Variants in NAT1 observed in about 807,000 individuals in gnomAD.
The protein encoded by NAT1 is N-acetyltransferase 1.
For synonymous variants in NAT1, 144 were observed against 122.6 expected (o/e 1.17, Z -1.16); for missense variants, 400 against 339.2 (o/e 1.18, Z -1.41).
chr8:18,205,977 G>A (rs908689350), upstream of NAT1, among the ~76,000 whole-genome samples: 4 of 152,176 alleles, frequency 2.6e-5, no homozygotes, highest in African/African-American at 9.7e-5. Context: ...GGCTCCTATG[G>A]GAGCAAGTGG....
intron 1 of NAT1, among the ~76,000 whole-genome samples, chr8:18,211,518 C>T (rs1192309756): frequency 7.9e-5 from 12 of 152,190 alleles, no homozygotes; most frequent in Non-Finnish European, 1.8e-4. Flanking sequence ...TTGTCTGGCC[C>T]TTGCTGTCTT....
chr8:18,216,782 C>A, intron 1 of NAT1: 1 of 675,532 alleles, frequency 1.5e-6, no homozygotes, highest in Non-Finnish European at 2.4e-6. Flanking sequence ...CAGACAGATA[C>A]TGGGTATGAT....
upstream of NAT1, among the ~76,000 whole-genome samples, chr8:18,205,225 G>C (rs1298994486): frequency 6.6e-6 from 1 of 152,210 alleles, no homozygotes; most frequent in Non-Finnish European, 1.5e-5. Flanking sequence ...CAGAGTGCTA[G>C]CAGGTGCCAG....
At chr8:18,183,668 A>T (rs937109664) in intron 2 of NAT1, among the ~76,000 whole-genome samples, 6 of 152,198 alleles carry the variant, frequency 3.9e-5, no homozygotes, top group Non-Finnish European at 8.8e-5. Context: ...TCCTGAGACG[A>T]ATCCCCTCCC....
chr8:18,183,534 T>C (rs968935727), intron 2 of NAT1, among the ~76,000 whole-genome samples: 10 of 152,126 alleles, frequency 6.6e-5, no homozygotes, highest in Non-Finnish European at 1.5e-4. Context: ...CCATGTAGTG[T>C]CTTAAAGGCC....
At chr8:18,215,830 T>G (rs1015305435) in intron 1 of NAT1, among the ~76,000 whole-genome samples, 2 of 152,152 alleles carry the variant, frequency 1.3e-5, no homozygotes. Flanking sequence ...CTGGGGTTGG[T>G]GTAGACTTGT....
chr8:18,189,780 G>A (rs937158228), intron 2 of NAT1, among the ~76,000 whole-genome samples: 5 of 152,084 alleles, frequency 3.3e-5, no homozygotes, highest in African/African-American at 9.7e-5. Context: ...TCACTGTTAT[G>A]TAGTATTGAC....
intron 1 of NAT1, among the ~76,000 whole-genome samples, chr8:18,217,934 G>A (rs1563191861): frequency 6.6e-6 from 1 of 152,168 alleles, no homozygotes; most frequent in Non-Finnish European, 1.5e-5. Flanking sequence ...TATTGTTTAA[G>A]GCTAGGCAGG....
chr8:18,201,713 G>A (rs189042140), intron 2 of NAT1, among the ~76,000 whole-genome samples: 3 of 152,272 alleles, frequency 2.0e-5, no homozygotes, highest in Admixed American at 6.5e-5. Flanking sequence ...GGAGTACACT[G>A]TGGAAGCATC....
At chr8:18,218,221 C>G (rs901599585) in intron 1 of NAT1, among the ~76,000 whole-genome samples, 3 of 152,102 alleles carry the variant, frequency 2.0e-5, no homozygotes, top group Admixed American at 1.3e-4. Flanking sequence ...AATTGTGGTA[C>G]GTTGTCAGGA....
chr8:18,197,437 C>T (rs979123528), intron 2 of NAT1, among the ~76,000 whole-genome samples: 1 of 152,166 alleles, frequency 6.6e-6, no homozygotes, highest in Non-Finnish European at 1.5e-5. Flanking sequence ...TAGCAGACAT[C>T]GGCAGTGTCT....
intron 2 of NAT1, among the ~76,000 whole-genome samples, chr8:18,199,731 T>C (rs61744106): frequency 0.011 from 1,645 of 152,296 alleles, 34 homozygotes; most frequent in African/African-American, 0.037. Flanking sequence ...GTTTTGGAAG[T>C]AGCTCATAGC....
chr8:18,214,536 GCTTGAGTAGTTGT>G (rs1245982839), intron 1 of NAT1, among the ~76,000 whole-genome samples: 2 of 152,242 alleles, frequency 1.3e-5, no homozygotes, highest in Non-Finnish European at 2.9e-5. Context: ...TCTGCCAGAG[GCTTGAGTAGTTGT>G]CTTTAATTTT....
intron 2 of NAT1, among the ~76,000 whole-genome samples, chr8:18,204,764 C>G (rs1156396011): frequency 6.6e-6 from 1 of 152,124 alleles, no homozygotes; most frequent in Non-Finnish European, 1.5e-5. Context: ...AGAATCAATT[C>G]TACATACAAA....
intron 2 of NAT1, among the ~76,000 whole-genome samples, chr8:18,173,535 G>A (rs1802177374): frequency 6.6e-6 from 1 of 152,156 alleles, no homozygotes; most frequent in Non-Finnish European, 1.5e-5. Context: ...TAACTGGGAT[G>A]GCAATTGCAG....
intron 2 of NAT1, among the ~76,000 whole-genome samples, chr8:18,205,097 A>C (rs1204965056): frequency 6.6e-6 from 1 of 152,136 alleles, no homozygotes; most frequent in Admixed American, 6.5e-5. Flanking sequence ...CTACACTCCG[A>C]TGGGTGGTGT....
chr8:18,209,298 G>A (rs780203859), upstream of NAT1, among the ~76,000 whole-genome samples: 28 of 152,204 alleles, frequency 1.8e-4, no homozygotes, highest in East Asian at 9.6e-4. Context: ...AGTAGGTGCC[G>A]AAGGCACAGC....
chr8:18,185,149 T>A (rs1419374179), intron 2 of NAT1, among the ~76,000 whole-genome samples: 1 of 152,196 alleles, frequency 6.6e-6, no homozygotes, highest in Admixed American at 6.5e-5. Context: ...GTATCAAGTT[T>A]GTGTACCGAC....
chr8:18,192,299 C>T (rs1803024225), intron 2 of NAT1, among the ~76,000 whole-genome samples: 1 of 152,230 alleles, frequency 6.6e-6, no homozygotes, highest in South Asian at 2.1e-4. Context: ...GATACCATCT[C>T]ACACCAGTTA....
Sources: gnomAD v4.1 joint callset for allele counts (sites outside exome capture counted in the v4.1 genomes callset) on GRCh38, gnomAD v4.1.1 for gene constraint, MANE v1.5 for transcripts, NCBI Gene and HGNC (gene_info 2026-07-23, HGNC 2026-07-21) for gene names.